Variants in NCOA1 observed in about 807,000 individuals in gnomAD.
NCOA1 encodes the protein nuclear receptor coactivator 1.
A neutral mutation model predicts 150.9 loss-of-function variants in NCOA1; 35 were observed. The ratio of observed to expected loss-of-function variants is 0.23; its 90% CI spans 0.18 to 0.31. The LOEUF is 0.31. NCOA1 is among the 10% of genes least tolerant of loss of function. The probability of loss-of-function intolerance (pLI) is 1.00; values close to 1 mark genes in which losing one functional copy is unlikely to be tolerated. For synonymous variants in NCOA1, 590 were observed against 630.0 expected (o/e 0.94, Z 0.95); for missense variants, 1,491 against 1,749.3 (o/e 0.85, Z 2.63).
At chr2:24,750,899 G>A (rs1482413268) in intron 19 of NCOA1, among the ~76,000 whole-genome samples, 1 of 149,400 alleles carries the variant, frequency 6.7e-6, no homozygotes, top group Non-Finnish European at 1.5e-5. Context: ...TATAGATTAA[G>A]TCTGAATAAA....
intron 3 of NCOA1, among the ~76,000 whole-genome samples, chr2:24,607,505 C>T (rs1176960721): frequency 1.3e-5 from 2 of 152,032 alleles, no homozygotes; most frequent in Admixed American, 1.3e-4. Context: ...CTGGCTAACA[C>T]GGGGAAACCC....
intron 1 of NCOA1, among the ~76,000 whole-genome samples, chr2:24,504,150 G>C (rs2165740): frequency 0.15 from 22,575 of 152,196 alleles, 2,031 homozygotes; most frequent in Non-Finnish European, 0.2. Context: ...ACATAAGTTT[G>C]TTACCGATGA....
intron 3 of NCOA1, among the ~76,000 whole-genome samples, chr2:24,631,602 T>C (rs868108666): frequency 6.6e-6 from 1 of 152,178 alleles, no homozygotes; most frequent in Non-Finnish European, 1.5e-5. Context: ...TAAAATGGAC[T>C]TAAGAACAGT....
Position 24,741,949 on chromosome 2 carries a change from C to T in NCOA1, c.3469C>T (p.Pro1157Ser), listed in dbSNP as rs529742458. 7 of 1,614,096 alleles carry T rather than the reference C, an allele frequency of 4.3e-6. No individual in the cohort carries two copies. The change falls in exon 19 of 23, where the codon CCC (proline) becomes TCC (serine). Residue 1157 changes from proline to serine, a missense_variant. By Grantham distance (74) the Pro-to-Ser change is moderately conservative. Around this residue, in one of 8 missense-constraint regions of NCOA1, gnomAD observed 485 missense variants for 522.8 expected, o/e 0.93. Transcript: ENST00000348332. ...SSGLPVQMGN[P>S]RLPQGAPQQF... is the part of the protein sequence containing the mutation. ...TGGACTACCAGTTCAAATGGGGAAC[C>T]CCCGTCTTCCTCAGGGTGCTCCACA... is the stretch of plus-strand genomic sequence containing the variant.
chr2:24,568,399 A>G (rs1446690768), intron 2 of NCOA1, among the ~76,000 whole-genome samples: 2 of 152,202 alleles, frequency 1.3e-5, no homozygotes, highest in Non-Finnish European at 2.9e-5. Context: ...TATTAAGGGA[A>G]TGGATATTCC....
intron 7 of NCOA1, among the ~76,000 whole-genome samples, chr2:24,682,027 TA>T (rs1672202015): frequency 6.6e-6 from 1 of 152,206 alleles, no homozygotes; most frequent in East Asian, 1.9e-4. Context: ...TGGCCTTTTT[TA>T]AAAGGAAAAA....
chr2:24,611,127 C>G (rs894979214), intron 3 of NCOA1, among the ~76,000 whole-genome samples: 61 of 152,062 alleles, frequency 4.0e-4, no homozygotes, highest in African/African-American at 1.4e-3. Context: ...CTCTGTTAGT[C>G]CCAGTGTCTA....
rs1319157061 is a variant in NCOA1, at chr2:24,711,283, T to C, written c.2599+172T>C. The C allele has an allele frequency of 5.0e-6, 3 of 597,682 alleles. No individual in the cohort carries two copies. The African/African-American group carries it at 5.7e-5, about 11-fold the overall frequency. The allele number at this position is 597,682 out of a possible 1,614,324, so 37.0% of individuals were successfully genotyped here. A position where few individuals can be genotyped will look rare whatever the true frequency, so the allele number is the denominator to read the frequency against. ...TTAGGCATGTGAACATCATTCATCA[T>C]GTGTATTTTAAATTATGACCTCTAT... On this transcript the variant is annotated intron_variant, in intron 14 of 22. Coordinates refer to ENST00000348332, the MANE Select transcript of NCOA1 (RefSeq NM_003743.5).
At chr2:24,588,357 T>A (rs1052279935) in intron 3 of NCOA1, among the ~76,000 whole-genome samples, 8 of 152,162 alleles carry the variant, frequency 5.3e-5, no homozygotes, top group African/African-American at 1.9e-4. Flanking sequence ...ATTACAACCG[T>A]GAGCTACTGT....
intron 3 of NCOA1, among the ~76,000 whole-genome samples, chr2:24,610,028 A>G (rs950860046): frequency 2.0e-5 from 3 of 151,514 alleles, no homozygotes; most frequent in African/African-American, 7.3e-5. Flanking sequence ...TGATCAGGGA[A>G]TGTAGTCTTT....
chr2:24,494,873 T>A (rs1201384487), intron 1 of NCOA1, among the ~76,000 whole-genome samples: 1 of 152,246 alleles, frequency 6.6e-6, no homozygotes, highest in Non-Finnish European at 1.5e-5. Context: ...TTTCCCAGAT[T>A]AGCAGTAGTT....
At chr2:24,660,084 G>C (rs891657506) in intron 5 of NCOA1, among the ~76,000 whole-genome samples, 5 of 152,184 alleles carry the variant, frequency 3.3e-5, no homozygotes, top group Non-Finnish European at 4.4e-5. Flanking sequence ...CTGTCAGAGA[G>C]AGACAATAAC....
intron 3 of NCOA1, among the ~76,000 whole-genome samples, chr2:24,622,711 T>C (rs1238467627): frequency 6.6e-6 from 1 of 152,204 alleles, no homozygotes; most frequent in African/African-American, 2.4e-5. Flanking sequence ...CAAACAGTTA[T>C]TAAGAAGGTT....
intron 14 of NCOA1, 32 bp from the exon 15 acceptor site, chr2:24,726,557 T>G (rs1328354841): frequency 1.4e-6 from 2 of 1,398,538 alleles, no homozygotes; most frequent in African/African-American, 2.9e-5. Flanking sequence ...TCCACTGAGA[T>G]AATGACTTCT....
chr2:24,744,487 A>G (rs1663786028), intron 19 of NCOA1, among the ~76,000 whole-genome samples: 1 of 152,234 alleles, frequency 6.6e-6, no homozygotes, highest in South Asian at 2.1e-4. Context: ...CACCACTCTT[A>G]ATTATAAACT....
intron 4 of NCOA1, among the ~76,000 whole-genome samples, chr2:24,648,784 C>A (rs1670587993): frequency 6.6e-6 from 1 of 151,970 alleles, no homozygotes; most frequent in Non-Finnish European, 1.5e-5. Context: ...ATTTATTTTT[C>A]TTTTATTGGT....
At chr2:24,624,005 T>G (rs1669292006) in intron 3 of NCOA1, among the ~76,000 whole-genome samples, 1 of 152,174 alleles carries the variant, frequency 6.6e-6, no homozygotes, top group African/African-American at 2.4e-5. Flanking sequence ...ACATCAAAAT[T>G]GTTTTATTAA....
intron 11 of NCOA1, among the ~76,000 whole-genome samples, chr2:24,700,095 G>T (rs988506314): frequency 6.6e-6 from 1 of 151,306 alleles, no homozygotes; most frequent in African/African-American, 2.4e-5. Context: ...GTGAGCCAAG[G>T]TCGCACCATT....
chr2:24,631,708 T>G (rs1418772731), intron 3 of NCOA1, among the ~76,000 whole-genome samples: 2 of 152,176 alleles, frequency 1.3e-5, no homozygotes, highest in African/African-American at 4.8e-5. Flanking sequence ...TTTTCCTGCT[T>G]TATAAAAGTC....
Sources: allele counts gnomAD v4.1 joint callset (sites outside exome capture counted in the v4.1 genomes callset), GRCh38; gene constraint gnomAD v4.1.1; regional missense constraint gnomAD v4.1.1; transcripts MANE v1.5; gene names NCBI Gene and HGNC (gene_info 2026-07-23, HGNC 2026-07-21).